Variants in ELAVL4 observed in about 807,000 individuals in gnomAD.
ELAVL4 encodes the protein ELAV like RNA binding protein 4, also known as ELAV-like protein 4.
ELAVL4 carries 1 observed loss-of-function variant against 35.6 expected under a neutral mutation model. That is an observed-to-expected ratio of 0.03 (90% confidence interval 0.01 to 0.13). ELAVL4 has a LOEUF of 0.13. ELAVL4 is among the 10% of genes least tolerant of loss of function. ELAVL4 has a pLI of 1.00. For synonymous variants in ELAVL4, 156 were observed against 171.0 expected, an observed-to-expected ratio of 0.91 and a Z score of 0.69; for missense variants, 267 against 464.9, an observed-to-expected ratio of 0.57 and a Z score of 3.91.
At chr1:50,050,333 T>C (rs1024133994) in intron 1 of ELAVL4, among the ~76,000 whole-genome samples, 28 of 152,196 alleles carry the variant, frequency 1.8e-4, no homozygotes, top group African/African-American at 6.8e-4. Context: ...GAGATTTGGC[T>C]ACAAAGGGAC....
chr1:50,188,595 C>T (rs1281655955), intron 3 of ELAVL4, among the ~76,000 whole-genome samples: 1 of 152,206 alleles, frequency 6.6e-6, no homozygotes, highest in Non-Finnish European at 1.5e-5. Context: ...TAACACTGAA[C>T]TTTACACTTT....
intron 1 of ELAVL4, among the ~76,000 whole-genome samples, chr1:50,114,609 G>A (rs1162705821): frequency 6.6e-6 from 1 of 152,066 alleles, no homozygotes; most frequent in African/African-American, 2.4e-5. Context: ...TTCCGGTATA[G>A]GAGATAATGA....
At chr1:50,057,839 G>T (rs986440402) in intron 1 of ELAVL4, among the ~76,000 whole-genome samples, 1 of 152,192 alleles carries the variant, frequency 6.6e-6, no homozygotes, top group Non-Finnish European at 1.5e-5. Flanking sequence ...ATGATGTCAA[G>T]TTACCATGTT....
At chr1:50,130,650 A>C (rs1427562455) in intron 1 of ELAVL4, among the ~76,000 whole-genome samples, 1 of 152,166 alleles carries the variant, frequency 6.6e-6, no homozygotes, top group South Asian at 2.1e-4. Flanking sequence ...TACTACACTT[A>C]TGACATTAGA....
chr1:50,057,447 C>T (rs951314624), intron 1 of ELAVL4, among the ~76,000 whole-genome samples: 2 of 152,126 alleles, frequency 1.3e-5, no homozygotes, highest in African/African-American at 4.8e-5. Flanking sequence ...CAGTAATGTC[C>T]TAGGCCTTCG....
upstream of ELAVL4, chr1:50,106,198 T>G: frequency 1.1e-6 from 1 of 899,108 alleles, no homozygotes; most frequent in Non-Finnish European, 1.7e-6. Flanking sequence ...CTGCGCGGAG[T>G]AGGTAGTTAT....
chr1:50,174,364 C>T (rs918927204), intron 2 of ELAVL4: 1 of 152,198 alleles, frequency 6.6e-6, no homozygotes, highest in African/African-American at 2.4e-5. Context: ...TTTTCTGCCT[C>T]TGTCCTCCTC....
intron 1 of ELAVL4, among the ~76,000 whole-genome samples, chr1:50,097,611 T>A (rs1665774773): frequency 6.6e-6 from 1 of 152,154 alleles, no homozygotes; most frequent in African/African-American, 2.4e-5. Flanking sequence ...CCCTAGTGAA[T>A]TAAAATGGAT....
Position 50,201,159 on chromosome 1 carries a change from A to G in ELAVL4, c.1082A>G (p.Asn361Ser), listed in dbSNP as rs756742405. ...GTGTTGCAAGTTTCCTTTAAAACCA[A>G]CAAAGCCCACAAGTCCTGAATTTCC... ...DRVLQVSFKTNKAHKS is the reference protein window; with the variant it reads ...DRVLQVSFKTSKAHKS The change falls in exon 7 of 7, where the codon AAC (asparagine) becomes AGC (serine). Residue 361 changes from asparagine to serine, a missense_variant. Physicochemically the swap from Asn to Ser is conservative, Grantham distance 46. Coordinates refer to ENST00000371824, the MANE Select transcript of ELAVL4 (RefSeq NM_001144774.3). This position sits in a 1 kb window ranked among gnomAD's most constrained non-coding sequence, Gnocchi z 4.3. 5.0e-6 allele frequency: 8 copies of G among 1,592,962 alleles called. No homozygotes were observed. In the South Asian group the frequency reaches 8.0e-5, roughly 16 times the overall value.
At chr1:50,178,200 C>T (rs540013330) in intron 3 of ELAVL4, among the ~76,000 whole-genome samples, 5 of 152,184 alleles carry the variant, frequency 3.3e-5, no homozygotes, top group Admixed American at 1.3e-4. Flanking sequence ...GAAGTGTCTC[C>T]TGGGCGCTCT....
intron 1 of ELAVL4, among the ~76,000 whole-genome samples, chr1:50,125,163 C>G (rs1264206428): frequency 6.6e-6 from 1 of 151,558 alleles, no homozygotes; most frequent in Non-Finnish European, 1.5e-5. Flanking sequence ...CACTTGAGCC[C>G]GGGAGTTTGA....
At chr1:50,101,571 T>C (rs1665980806), upstream of ELAVL4, among the ~76,000 whole-genome samples, 1 of 146,348 alleles carries the variant, frequency 6.8e-6, no homozygotes, top group Non-Finnish European at 1.5e-5. Flanking sequence ...CCCTTTCCTT[T>C]CTCTTCTAGT....
intron 1 of ELAVL4, among the ~76,000 whole-genome samples, chr1:50,069,472 A>C (rs1429588837): frequency 1.3e-5 from 2 of 152,174 alleles, no homozygotes; most frequent in African/African-American, 4.8e-5. Flanking sequence ...CCTGTGATCT[A>C]TTTGTTTGAT....
At chr1:50,090,691 A>G (rs923776385) in intron 1 of ELAVL4, among the ~76,000 whole-genome samples, 27 of 152,218 alleles carry the variant, frequency 1.8e-4, no homozygotes, top group South Asian at 2.1e-4. Context: ...TACCCTTTGC[A>G]TCTACTTGGT....
chr1:50,053,973 T>C (rs1485737834), intron 1 of ELAVL4, among the ~76,000 whole-genome samples: 1 of 152,132 alleles, frequency 6.6e-6, no homozygotes, highest in Non-Finnish European at 1.5e-5. Flanking sequence ...ATCTGGGGGT[T>C]ATAAGCAGAG....
At chr1:50,109,270 G>A in intron 1 of ELAVL4, 72 bp downstream of exon 1, 2 of 1,502,522 alleles carry the variant, frequency 1.3e-6, no homozygotes, top group Non-Finnish European at 1.8e-6. Flanking sequence ...ACCTTGACCA[G>A]TCTTATGCTT....
At chr1:50,141,234 A>G (rs1672763328) in intron 1 of ELAVL4, among the ~76,000 whole-genome samples, 1 of 152,152 alleles carries the variant, frequency 6.6e-6, no homozygotes. Flanking sequence ...CTCCATCACT[A>G]GCACCAAATA....
intron 3 of ELAVL4, among the ~76,000 whole-genome samples, chr1:50,178,097 C>G (rs1680379810): frequency 6.6e-6 from 1 of 152,192 alleles, no homozygotes. Flanking sequence ...CCTTCCTTCC[C>G]TTTCTTCCCC....
At chr1:50,126,997 G>A (rs1210994040) in intron 1 of ELAVL4, among the ~76,000 whole-genome samples, 1 of 151,888 alleles carries the variant, frequency 6.6e-6, no homozygotes, top group African/African-American at 2.4e-5. Flanking sequence ...TAATCTTGAT[G>A]GCTACACTCA....
Sources: allele counts gnomAD v4.1 joint callset (sites outside exome capture counted in the v4.1 genomes callset), GRCh38; gene constraint gnomAD v4.1.1; non-coding constraint Gnocchi (gnomAD v3.1); transcripts MANE v1.5; gene names NCBI Gene and HGNC (gene_info 2026-07-23, HGNC 2026-07-21).